Variants in PXDNL observed in about 807,000 individuals in gnomAD.
PXDNL encodes the protein probable oxidoreductase PXDNL.
Under a neutral mutation model 150.8 loss-of-function variants are expected in PXDNL, and 145 were observed. That is an observed-to-expected ratio of 0.96 (90% CI 0.84 to 1.10). The LOEUF (loss-of-function observed/expected upper bound fraction) is 1.10. PXDNL is among the 50% of genes least tolerant of loss of function. The probability of loss-of-function intolerance (pLI) is 0.00; values close to 1 mark genes in which losing one functional copy is unlikely to be tolerated. For missense variants in PXDNL, 2,087 were observed against 1,873.9 expected (o/e 1.11, Z -2.10); for synonymous variants, 757 against 725.7 (o/e 1.04, Z -0.69).
rs752040542 is a variant in PXDNL at position 51,408,738 on chromosome 8, G to A, written c.2886C>T (p.Asn962=). Residue 962 remains asparagine, a synonymous_variant, in exon 17 of 23, where the codon AAC becomes AAT. Transcript: ENST00000356297. ...PCFLAGDHRA[N]EHLALAAMHT... is the part of the protein sequence containing the mutation. ...GCATGGCGGCCAGAGCCAGATGCTC[G>A]TTGGCCCGGTGGTCCCCGGCCAGGA... The A allele has an allele frequency of 2.5e-6, 4 of 1,588,462 alleles. No individual in the cohort carries two copies. In the South Asian group the frequency reaches 3.4e-5, roughly 14 times the overall value.
intron 17 of PXDNL, among the ~76,000 whole-genome samples, chr8:51,387,220 A>G (rs1807744819): frequency 6.6e-6 from 1 of 152,280 alleles, no homozygotes; most frequent in African/African-American, 2.4e-5. Context: ...GATGAAAATT[A>G]TGCAGTTATA....
chr8:51,614,857 G>A (rs1481413926), intron 2 of PXDNL, among the ~76,000 whole-genome samples: 1 of 152,060 alleles, frequency 6.6e-6, no homozygotes, highest in Non-Finnish European at 1.5e-5. Context: ...CTTAGTAGGA[G>A]AAATAATCTC....
chr8:51,808,040 C>T (rs1226546753), intron 1 of PXDNL, among the ~76,000 whole-genome samples: 1 of 152,190 alleles, frequency 6.6e-6, no homozygotes, highest in Admixed American at 6.5e-5. Flanking sequence ...TAATGAAATG[C>T]TTTATAGAAA....
intron 12 of PXDNL, chr8:51,436,609 A>T (rs906185985): frequency 5.1e-6 from 1 of 194,444 alleles, no homozygotes; most frequent in African/African-American, 2.4e-5. Flanking sequence ...CTCCTGAATG[A>T]TCACTGGGTC....
At chr8:51,555,868 A>G (rs1291452454) in intron 4 of PXDNL, among the ~76,000 whole-genome samples, 1 of 152,218 alleles carries the variant, frequency 6.6e-6, no homozygotes, top group Non-Finnish European at 1.5e-5. Context: ...ACCTTTTGAT[A>G]TTGAAGAATT....
At chr8:51,604,131 C>T (rs1392504431) in intron 2 of PXDNL, among the ~76,000 whole-genome samples, 1 of 152,098 alleles carries the variant, frequency 6.6e-6, no homozygotes, top group Non-Finnish European at 1.5e-5. Context: ...CCATTTGACC[C>T]AGCCATCCCA....
chr8:51,635,707 A>G (rs1249365378), intron 2 of PXDNL, among the ~76,000 whole-genome samples: 2 of 152,072 alleles, frequency 1.3e-5, no homozygotes, highest in African/African-American at 2.4e-5. Flanking sequence ...GATTGAATCA[A>G]TAATCAAAAA....
intron 5 of PXDNL, among the ~76,000 whole-genome samples, chr8:51,489,418 C>G (rs1036268568): frequency 2.6e-5 from 4 of 152,154 alleles, no homozygotes; most frequent in African/African-American, 7.2e-5. Flanking sequence ...TAGGCTCAAG[C>G]AGTCCTCCTG....
intron 1 of PXDNL, among the ~76,000 whole-genome samples, chr8:51,694,800 C>T (rs1366933709): frequency 1.3e-5 from 2 of 152,194 alleles, no homozygotes; most frequent in African/African-American, 2.4e-5. Context: ...GTAAGGTAGA[C>T]ATTAGGACCA....
At chr8:51,466,003 A>G (rs2130056822) in intron 8 of PXDNL, among the ~76,000 whole-genome samples, 1 of 152,264 alleles carries the variant, frequency 6.6e-6, no homozygotes, top group African/African-American at 2.4e-5. Context: ...TGCTATTCCT[A>G]TCAAAACACC....
intron 14 of PXDNL, among the ~76,000 whole-genome samples, chr8:51,416,599 TG>T (rs1160486446): frequency 7.9e-5 from 12 of 152,318 alleles, no homozygotes; most frequent in Non-Finnish European, 1.6e-4. Flanking sequence ...ACATATAAGG[TG>T]GCTTTCACGA....
intron 1 of PXDNL, 97 bp downstream of exon 1, chr8:51,809,084 G>C (rs1563327527): frequency 1.6e-6 from 2 of 1,256,414 alleles, no homozygotes; most frequent in Admixed American, 2.1e-5. Context: ...CAAGCAGGGA[G>C]AGCATTAGGA....
chr8:51,589,356 A>G (rs1282129125), intron 3 of PXDNL, among the ~76,000 whole-genome samples: 1 of 152,224 alleles, frequency 6.6e-6, no homozygotes. Context: ...AAAGGCTAGA[A>G]GAGTCTGGAG....
chr8:51,661,596 C>A (rs1241533678), intron 1 of PXDNL, among the ~76,000 whole-genome samples: 1 of 152,110 alleles, frequency 6.6e-6, no homozygotes, highest in Non-Finnish European at 1.5e-5. Flanking sequence ...TTCCTGGGTC[C>A]CCAGCCTGCC....
intron 21 of PXDNL, 152 bp from the exon 22 acceptor site, chr8:51,321,049 C>T: frequency 3.3e-6 from 2 of 614,976 alleles, no homozygotes; most frequent in Non-Finnish European, 5.7e-6. Flanking sequence ...TTCATTTTCC[C>T]CCAGGACTTA....
intron 4 of PXDNL, among the ~76,000 whole-genome samples, chr8:51,549,916 A>G (rs545540442): frequency 3.4e-4 from 51 of 152,236 alleles, no homozygotes; most frequent in African/African-American, 1.0e-3. Flanking sequence ...AAAGATAAAC[A>G]AAATCAATAG....
At chr8:51,604,556 G>A (rs767493630) in intron 2 of PXDNL, among the ~76,000 whole-genome samples, 5 of 152,126 alleles carry the variant, frequency 3.3e-5, no homozygotes, top group Admixed American at 1.3e-4. Flanking sequence ...GCTAAATGAC[G>A]AGTTAATGGG....
At chr8:51,551,362 C>A (rs78848581) in intron 4 of PXDNL, among the ~76,000 whole-genome samples, 3,972 of 151,962 alleles carry the variant, frequency 0.026, 94 homozygotes, top group African/African-American at 0.061. Context: ...AAAGAGCCCA[C>A]AAAAGCAAGA....
At position 51,437,299 on chromosome 8, in the gene PXDNL, C is replaced by A. The variant is rs191823122; in HGVS notation, c.1525+9705G>T. Among the ~76,000 whole-genome samples the A allele has an allele frequency of 2.0e-5, 3 of 152,238 alleles. No homozygotes were observed. The East Asian group carries it at 5.8e-4, about 29-fold the overall frequency. On this transcript the variant is annotated intron_variant, in intron 12 of 22. Transcript: ENST00000356297. ...TATCACTCTTATTGACACTATTCCA[C>A]AAGACAGAGACGGGGGAATTTTCCC...
Sources: gnomAD v4.1 joint callset for allele counts (sites outside exome capture counted in the v4.1 genomes callset) on GRCh38, gnomAD v4.1.1 for gene constraint, MANE v1.5 for transcripts, NCBI Gene and HGNC (gene_info 2026-07-23, HGNC 2026-07-21) for gene names.